Variants in CRX observed in about 807,000 individuals in gnomAD.
The protein encoded by CRX is cone-rod homeobox, also known as cone-rod homeobox protein.
Under a neutral mutation model 13.1 loss-of-function variants are expected in CRX, and 5 were observed. The observed-to-expected ratio is 0.38, with a 90% CI of 0.20 to 0.80. The LOEUF is 0.80. CRX is among the 30% of genes least tolerant of loss of function. The pLI is 0.43. For synonymous variants in CRX, 179 were observed against 171.1 expected (o/e 1.05, Z -0.36); for missense variants, 351 against 391.8 (o/e 0.90, Z 0.88).
chr19:47,828,868 T>C (rs993584829), intron 1 of CRX, among the ~76,000 whole-genome samples: 1 of 149,210 alleles, frequency 6.7e-6, no homozygotes, highest in Non-Finnish European at 1.5e-5. Context: ...TTGAAGATTT[T>C]ATTGTTGTTT....
At chr19:47,832,423 T>A (rs550883307) in intron 1 of CRX, among the ~76,000 whole-genome samples, 9 of 151,558 alleles carry the variant, frequency 5.9e-5, no homozygotes, top group East Asian at 1.9e-4. Flanking sequence ...AAAAAAAAAA[T>A]TAATTTTTTG....
chr19:47,831,132 C>T (rs2123734927), intron 1 of CRX, among the ~76,000 whole-genome samples: 1 of 151,872 alleles, frequency 6.6e-6, no homozygotes, highest in African/African-American at 2.4e-5. Flanking sequence ...CATGGTGAAA[C>T]CCCGTCTCTA....
chr19:47,837,084 A>G (rs893227010), intron 3 of CRX, among the ~76,000 whole-genome samples: 1 of 152,166 alleles, frequency 6.6e-6, no homozygotes, highest in Non-Finnish European at 1.5e-5. Context: ...GATTAGATAG[A>G]TGATGAATGT....
chr19:47,828,031 G>A (rs956662351), intron 1 of CRX, among the ~76,000 whole-genome samples: 6 of 151,320 alleles, frequency 4.0e-5, no homozygotes, highest in African/African-American at 9.7e-5. Context: ...GCAGGCCCCT[G>A]TAGTCTCAGC....
At chr19:47,825,129 A>G (rs1180944168) in intron 1 of CRX, among the ~76,000 whole-genome samples, 2 of 150,564 alleles carry the variant, frequency 1.3e-5, no homozygotes, top group Admixed American at 1.3e-4. Context: ...AAGCTGGGAC[A>G]ACACCATGCC....
chr19:47,836,933 T>C (rs144672775), intron 3 of CRX, among the ~76,000 whole-genome samples: 2 of 152,216 alleles, frequency 1.3e-5, no homozygotes, highest in East Asian at 1.9e-4. Context: ...GATGAATGTA[T>C]GTATGTGTGA....
At chr19:47,828,166 A>T (rs1002032913) in intron 1 of CRX, among the ~76,000 whole-genome samples, 69 of 151,054 alleles carry the variant, frequency 4.6e-4, no homozygotes, top group African/African-American at 1.1e-3. Context: ...AAAAAAAAAA[A>T]TTTTTTTTTC....
chr19:47,836,068 T>C (rs971537413), intron 2 of CRX, among the ~76,000 whole-genome samples, 175 bp from the exon 3 acceptor site: 8 of 152,190 alleles, frequency 5.3e-5, no homozygotes, highest in African/African-American at 1.9e-4. Context: ...GGGTCAGGCA[T>C]GAGCCACAGA....
In CRX at chr19:47,834,340, C is replaced by T. The variant is rs190062397; in HGVS notation, c.-35-69C>T. On this transcript the variant is annotated intron_variant, in intron 1 of 3. Coordinates refer to ENST00000221996, the MANE Select transcript of CRX (RefSeq NM_000554.6). ...GAGGAGAAGGAGGCAGGATTTGAAT[C>T]GCAGCCTGCACGTCACCCCATGGTG... 8 of 889,922 alleles carry T rather than the reference C, an allele frequency of 9.0e-6. No homozygotes were observed. In the East Asian group the frequency reaches 1.2e-4, roughly 14 times the overall value. The allele number at this position is 889,922 out of a possible 1,614,324, so 55.1% of individuals were successfully genotyped here.
In CRX at chr19:47,839,410, C is replaced by T. The variant is rs1056691132; in HGVS notation, c.343C>T (p.Arg115Trp). 17 of 1,613,652 alleles carry T rather than the reference C, an allele frequency of 1.1e-5. No individual in the cohort carries two copies. Among genetic ancestry groups the T allele is most frequent in the East Asian group, 4.5e-5 (2 of 44,886 alleles). Residue 115 changes from arginine (R) to tryptophan (W), a missense_variant, in exon 4 of 4, where the codon CGG (arginine) becomes TGG (tryptophan). This residue lies in a region of CRX where 253 missense variants were observed against 268.3 expected (regional missense o/e 0.94). Coordinates refer to ENST00000221996, the MANE Select transcript of CRX (RefSeq NM_000554.6). The surrounding 1 kb of genome is among the most constrained non-coding windows in gnomAD (Gnocchi z 4.6). ...QQPPGGQAKA[R>W]PAKRKAGTSP... ...GCCCCCAGGGGGCCAGGCCAAGGCCCGGCCTGCCAAGAGGAAGGCGGGCAC... is the reference window on the plus strand; with the variant it reads ...GCCCCCAGGGGGCCAGGCCAAGGCCTGGCCTGCCAAGAGGAAGGCGGGCAC...
intron 1 of CRX, among the ~76,000 whole-genome samples, chr19:47,822,874 A>G (rs372710028): frequency 6.6e-6 from 1 of 151,508 alleles, no homozygotes; most frequent in East Asian, 1.9e-4. Flanking sequence ...ACTCACTGCA[A>G]CCTCTACCTC....
intron 1 of CRX, among the ~76,000 whole-genome samples, chr19:47,828,725 G>A (rs138484927): frequency 3.2e-4 from 49 of 151,826 alleles, no homozygotes; most frequent in Non-Finnish European, 5.7e-4. Flanking sequence ...AGGGGCTTTG[G>A]GGTGGGGGAG....
chr19:47,835,342 G>A (rs1032617402), intron 2 of CRX, among the ~76,000 whole-genome samples: 2 of 151,270 alleles, frequency 1.3e-5, no homozygotes, highest in African/African-American at 4.9e-5. Context: ...ACAGGCATGA[G>A]CCACTGCACC....
At chr19:47,824,652 A>G (rs1283463171) in intron 1 of CRX, among the ~76,000 whole-genome samples, 1 of 152,106 alleles carries the variant, frequency 6.6e-6, no homozygotes, top group Non-Finnish European at 1.5e-5. Context: ...CCCCCGCTGT[A>G]GAATGGAGTT....
chr19:47,827,537 C>CGTTTTT (rs1967988438), intron 1 of CRX, among the ~76,000 whole-genome samples: 1 of 90,384 alleles, frequency 1.1e-5, no homozygotes, highest in African/African-American at 4.6e-5. Flanking sequence ...TTTCTGAAGG[C>CGTTTTT]TTTTTTTTTT....
At chr19:47,825,458 C>G (rs1967963938) in intron 1 of CRX, among the ~76,000 whole-genome samples, 1 of 152,140 alleles carries the variant, frequency 6.6e-6, no homozygotes, top group Non-Finnish European at 1.5e-5. Context: ...TCAGCTGCCT[C>G]AGGTTGCTGC....
intron 1 of CRX, among the ~76,000 whole-genome samples, chr19:47,830,793 TAAA>T (rs36112007): frequency 7.3e-6 from 1 of 137,842 alleles, no homozygotes; most frequent in Non-Finnish European, 1.6e-5. Flanking sequence ...AAGACTCCAT[TAAA>T]AAAAAAAAAA....
rs62128766 is a variant in CRX, at chr19:47,834,555, C to T, written c.100+12C>T. On this transcript the variant is annotated intron_variant, in intron 2 of 3. Transcript: ENST00000221996. ...TGTGCCCTACCCAAGTGAGTACAGT[C>T]GTTTCTCTTGGCACCCCAGGCTGGC... 0.17 allele frequency: 272,969 copies of T among 1,608,494 alleles called. 24,648 individuals carry two copies. The highest frequency in any genetic ancestry group is 0.19 in the Non-Finnish European group (217,681 of 1,175,174).
chr19:47,832,123 T>TTTTTTTTTTTTTTGG (rs1968056947), intron 1 of CRX, among the ~76,000 whole-genome samples: 1 of 137,706 alleles, frequency 7.3e-6, no homozygotes, highest in Non-Finnish European at 1.6e-5. Flanking sequence ...TTTTTTTTTT[T>TTTTTTTTTTTTTTGG]GAGACGGAGT....
Sources: gnomAD v4.1 joint callset for allele counts (sites outside exome capture counted in the v4.1 genomes callset) on GRCh38, gnomAD v4.1.1 for gene constraint, gnomAD v4.1.1 regional missense constraint, Gnocchi (gnomAD v3.1) non-coding constraint, MANE v1.5 for transcripts, NCBI Gene and HGNC (gene_info 2026-07-23, HGNC 2026-07-21) for gene names.